SP3: variants seen among roughly 807,000 people sequenced by gnomAD.
The protein encoded by SP3 is Sp3 transcription factor, also known as transcription factor Sp3.
In SP3, 10 loss-of-function variants were observed where a neutral mutation model predicts 70.3. The observed-to-expected ratio is 0.14, with a 90% CI of 0.09 to 0.24. The LOEUF is 0.24. Ranked by LOEUF, SP3 falls within the 10% of genes least tolerant of loss-of-function variation. The pLI is 1.00. For missense variants in SP3, 825 were observed against 914.6 expected (o/e 0.90, Z 1.26); for synonymous variants, 402 against 333.5 (o/e 1.21, Z -2.24).
In SP3 at chr2:173,964,423, C is replaced by G; in HGVS notation, c.138G>C (p.Ala46=). The G allele has an allele frequency of 1.4e-6, 1 of 729,220 alleles. No individual in the cohort carries two copies. The highest frequency in any genetic ancestry group is 2.5e-6 in the Non-Finnish European group (1 of 398,316). The allele number at this position is 729,220 out of a possible 1,614,324, so 45.2% of individuals were successfully genotyped here. Residue 46 remains alanine, a synonymous_variant, in exon 2 of 7, where the codon GCG becomes GCC. Transcript: ENST00000310015. ...TCCTCACCTGGGCCGCCGCTGCCGC[C>G]GCCACCGCACCGTTTCCGTGCTGTT... ...QQQQHGNGAV[A]AAAAAQDTQP...
At chr2:173,952,730 T>G (rs1351917350) in intron 4 of SP3, among the ~76,000 whole-genome samples, 1 of 152,070 alleles carries the variant, frequency 6.6e-6, no homozygotes, top group Non-Finnish European at 1.5e-5. Context: ...TATAAAGAAA[T>G]GAGGTAATGA....
Position 173,908,878 on chromosome 2 carries a change from A to AT in SP3, c.*1062dup, listed in dbSNP as rs1453800871. On this transcript the variant is annotated 3_prime_UTR_variant, in exon 7 of 7. Coordinates refer to ENST00000310015, the MANE Select transcript of SP3 (RefSeq NM_003111.5). The stretch of plus-strand genomic sequence containing the variant: ...AGGGAAGAAGCAAAAAAGGAAAATG[A>AT]TTGATATTTAAGTGCAGACTGACTA... 6.6e-6 allele frequency: 1 copy of AT among 152,084 alleles called. No individual in the cohort carries two copies. The highest frequency in any genetic ancestry group is 1.5e-5 in the Non-Finnish European group (1 of 67,806). The allele number at this position is 152,084 out of a possible 1,614,324, so 9.4% of individuals were successfully genotyped here.
At chr2:173,910,537 AAG>A in intron 6 of SP3, among the ~76,000 whole-genome samples, 2 of 152,300 alleles carry the variant, frequency 1.3e-5, no homozygotes, top group Admixed American at 1.3e-4. Context: ...CAACTACGCT[AAG>A]AGTTTGTTTG....
intron 2 of SP3, 104 bp from the exon 3 acceptor site, chr2:173,963,987 G>T: frequency 2.8e-6 from 2 of 723,512 alleles, no homozygotes; most frequent in Non-Finnish European, 2.0e-6. Flanking sequence ...CCCGCCGACT[G>T]CGCCCGGGCA....
At position 173,903,670 on chromosome 2, in the gene SP3, AAC is replaced by A. The variant is rs1689233290; in HGVS notation, c.*6269_*6270del. Among the ~76,000 whole-genome samples, 2 of 152,206 alleles carry A rather than the reference AAC, an allele frequency of 1.3e-5. No individual in the cohort carries two copies. Among genetic ancestry groups the A allele is most frequent in the South Asian group, 4.1e-4 (2 of 4,824 alleles). The stretch of plus-strand genomic sequence containing the variant: ...TATACGTGACTTGGTGTGACATAGA[AAC>A]ACAGGCTAATGCTGGCAGAAAGTCA... On this transcript the variant is annotated 3_prime_UTR_variant, in exon 7 of 7. Coordinates refer to ENST00000310015, the MANE Select transcript of SP3 (RefSeq NM_003111.5).
intron 4 of SP3, among the ~76,000 whole-genome samples, chr2:173,924,720 T>C (rs553437840): frequency 4.6e-5 from 7 of 152,330 alleles, no homozygotes; most frequent in African/African-American, 1.4e-4. Context: ...ATTGCAGATA[T>C]TGCTAAAGAT....
intron 4 of SP3, among the ~76,000 whole-genome samples, chr2:173,933,674 A>C (rs1690135238): frequency 7.1e-6 from 1 of 141,370 alleles, no homozygotes. Flanking sequence ...ATATATATAA[A>C]AGTTATAAAG....
At position 173,903,048 on chromosome 2, in the gene SP3, G is replaced by A. The variant is rs964738928; in HGVS notation, c.*6893C>T. On this transcript the variant is annotated 3_prime_UTR_variant, in exon 7 of 7. Coordinates refer to ENST00000310015, the MANE Select transcript of SP3 (RefSeq NM_003111.5). ...TTTCATAATAAAAAAGGCACAATACGAATACTAGCAGTTTCGTTAATAAAT... is the reference window on the plus strand; with the variant it reads ...TTTCATAATAAAAAAGGCACAATACAAATACTAGCAGTTTCGTTAATAAAT... Among the ~76,000 whole-genome samples, 3 of 152,176 alleles carry A rather than the reference G, an allele frequency of 2.0e-5. No individual in the cohort carries two copies. The highest frequency in any genetic ancestry group is 4.4e-5 in the Non-Finnish European group (3 of 68,020).
At chr2:173,938,459 C>CAAAAAAAAA (rs747595137) in intron 4 of SP3, among the ~76,000 whole-genome samples, 2 of 46,380 alleles carry the variant, frequency 4.3e-5, no homozygotes, top group Non-Finnish European at 8.3e-5. Flanking sequence ...AACTTTGCCT[C>CAAAAAAAAA]AAAAAAAAAA....
intron 2 of SP3, 36 bp from the exon 3 acceptor site, chr2:173,963,919 G>C (rs757705611): frequency 7.1e-7 from 1 of 1,405,152 alleles, no homozygotes; most frequent in South Asian, 1.5e-5. Context: ...AGGGAGACAG[G>C]GGGAGGGGGT....
Position 173,903,535 on chromosome 2 carries a change from A to C in SP3, c.*6406T>G, listed in dbSNP as rs962052661. 3.3e-5 allele frequency among the ~76,000 whole-genome samples: 5 copies of C among 152,366 alleles called. No homozygotes were observed. The highest frequency in any genetic ancestry group is 1.3e-4 in the Admixed American group (2 of 15,310). ...TAGAATTGAGAAAAATGCAATTAACACAACTTAAGAATTTTTAAAGGATCA... is the reference window on the plus strand; with the variant it reads ...TAGAATTGAGAAAAATGCAATTAACCCAACTTAAGAATTTTTAAAGGATCA... On this transcript the variant is annotated 3_prime_UTR_variant, in exon 7 of 7. Transcript: ENST00000310015.
At chr2:173,932,099 T>G (rs1330670108) in intron 4 of SP3, among the ~76,000 whole-genome samples, 3 of 152,240 alleles carry the variant, frequency 2.0e-5, no homozygotes, top group Non-Finnish European at 2.9e-5. Context: ...TAAGCTTAAT[T>G]ATTTCTAAGC....
At position 173,908,248 on chromosome 2, in the gene SP3, T is replaced by A. The variant is rs1469838584; in HGVS notation, c.*1693A>T. Reference sequence around the variant, plus strand: ...TGCTTTAAAACGGAAAACAAAAAAATTGCAAAATGGTACTGATAAAACTGA... The same window carrying A: ...TGCTTTAAAACGGAAAACAAAAAAAATGCAAAATGGTACTGATAAAACTGA... On this transcript the variant is annotated 3_prime_UTR_variant, in exon 7 of 7. Transcript: ENST00000310015. 2 of 152,022 alleles carry A rather than the reference T, an allele frequency of 1.3e-5. No homozygotes were observed. The highest frequency in any genetic ancestry group is 2.9e-5 in the Non-Finnish European group (2 of 67,918). The allele number at this position is 152,022 out of a possible 1,614,324, so 9.4% of individuals were successfully genotyped here. A position where few individuals can be genotyped will look rare whatever the true frequency, so the allele number is the denominator to read the frequency against.
rs1690424102 is a variant in SP3, at chr2:173,943,078, T to TA, written c.1639+11794_1639+11795insT. Reference sequence around the variant, plus strand: ...GGAGTATCCTAGAACCAATGCCCAATGGATACTGAGGAATGACTCTATTGC... The same window carrying TA: ...GGAGTATCCTAGAACCAATGCCCAATAGGATACTGAGGAATGACTCTATTGC... On this transcript the variant is annotated intron_variant, in intron 4 of 6. Transcript: ENST00000310015. 2.0e-5 allele frequency among the ~76,000 whole-genome samples: 3 copies of TA among 152,202 alleles called. No homozygotes were observed. The South Asian group carries it at 6.2e-4, about 32-fold the overall frequency.
Position 173,955,601 on chromosome 2 carries a change from TC to T in SP3, c.910del (p.Asp304IlefsTer40). On this transcript the variant is annotated frameshift_variant, in exon 4 of 7. Coordinates refer to ENST00000310015, the MANE Select transcript of SP3 (RefSeq NM_003111.5). LOFTEE classifies it high-confidence loss of function. ...GHLINTGQAM[D>X]SSDNSERTGE... Reference sequence around the variant, plus strand: ...AGTCCTTTCTGAATTGTCTGAACTATCCATAGCTTGTCCTGTGTTTATCAAA... The same window carrying T: ...AGTCCTTTCTGAATTGTCTGAACTATCATAGCTTGTCCTGTGTTTATCAAA... 6.2e-7 allele frequency: 1 copy of T among 1,614,116 alleles called. No individual in the cohort carries two copies. Among genetic ancestry groups the T allele is most frequent in the Non-Finnish European group, 8.5e-7 (1 of 1,180,042 alleles).
intron 3 of SP3, among the ~76,000 whole-genome samples, chr2:173,961,946 T>TTTG (rs1691099215): frequency 6.6e-6 from 1 of 151,038 alleles, no homozygotes; most frequent in African/African-American, 2.4e-5. Context: ...TTTTTTTTTT[T>TTTG]TTTTTTTTTT....
chr2:173,902,429 A>C lies in SP3; in HGVS notation c.*7512T>G, dbSNP rs1689206885. ...GAGATCAATTTGGAAGTATCTGGTG[A>C]AACTGAAGATTAAGAATATCCTGTT... is the stretch of plus-strand genomic sequence containing the variant. On this transcript the variant is annotated 3_prime_UTR_variant, in exon 7 of 7. Transcript: ENST00000310015. 6.6e-6 allele frequency among the ~76,000 whole-genome samples: 1 copy of C among 152,236 alleles called. No homozygotes were observed. Among genetic ancestry groups the C allele is most frequent in the Admixed American group, 6.5e-5 (1 of 15,286 alleles).
chr2:173,945,101 CTT>C (rs1690495278), intron 4 of SP3, among the ~76,000 whole-genome samples: 1 of 152,212 alleles, frequency 6.6e-6, no homozygotes, highest in Non-Finnish European at 1.5e-5. Context: ...ATTAAATACA[CTT>C]CAGGTTGATG....
At chr2:173,941,797 A>C (rs1690379923) in intron 4 of SP3, among the ~76,000 whole-genome samples, 2 of 152,122 alleles carry the variant, frequency 1.3e-5, no homozygotes. Context: ...TGGATACTTA[A>C]GTTTCAGTTC....
Sources: gnomAD v4.1 joint callset for allele counts (sites outside exome capture counted in the v4.1 genomes callset) on GRCh38, gnomAD v4.1.1 for gene constraint, MANE v1.5 for transcripts, NCBI Gene and HGNC (gene_info 2026-07-23, HGNC 2026-07-21) for gene names.